The following GABRB1 variants were observed in gnomAD, a reference collection of about 807,000 sequenced individuals.
The protein encoded by GABRB1 is gamma-aminobutyric acid receptor subunit beta-1.
Under a neutral mutation model 51.6 loss-of-function variants are expected in GABRB1, and 17 were observed. The observed-to-expected ratio is 0.33, with a 90% CI of 0.23 to 0.49. The LOEUF is 0.49. GABRB1 is among the 20% of genes least tolerant of loss of function. The probability of loss-of-function intolerance (pLI) is 0.99; values close to 1 mark genes in which losing one functional copy is unlikely to be tolerated. For missense variants in GABRB1, 410 were observed against 600.6 expected (o/e 0.68, Z 3.32); for synonymous variants, 247 against 218.9 (o/e 1.13, Z -1.14).
At chr4:47,117,292 A>T (rs1715537426) in intron 3 of GABRB1, among the ~76,000 whole-genome samples, 1 of 152,206 alleles carries the variant, frequency 6.6e-6, no homozygotes, top group African/African-American at 2.4e-5. Context: ...ATATAAAAAT[A>T]TTTAAAATCC....
At chr4:47,317,346 T>C (rs1724929264) in intron 4 of GABRB1, among the ~76,000 whole-genome samples, 1 of 151,970 alleles carries the variant, frequency 6.6e-6, no homozygotes, top group African/African-American at 2.4e-5. Context: ...TTTTAATTCA[T>C]AAGAAGCTGT....
rs574856442 is a variant in GABRB1, at chr4:47,065,345, T to A, written c.240+32861T>A. 2.8e-3 allele frequency among the ~76,000 whole-genome samples: 420 copies of A among 152,344 alleles called. 1 individual carries two copies. Among genetic ancestry groups the A allele is most frequent in the Non-Finnish European group, 4.8e-3 (325 of 68,022 alleles). On this transcript the variant is annotated intron_variant, in intron 3 of 8. Transcript: ENST00000295454. ...GCATTGTCTATTTCATGCAGACATG[T>A]GATATTTTTCCCCTTTAGCAAAAGT...
At chr4:47,057,026 A>G (rs1192995159) in intron 3 of GABRB1, among the ~76,000 whole-genome samples, 3 of 152,090 alleles carry the variant, frequency 2.0e-5, no homozygotes, top group Non-Finnish European at 4.4e-5. Flanking sequence ...GAATCGCCTG[A>G]CCCTGGGAGA....
At chr4:47,107,990 C>T (rs1051588794) in intron 3 of GABRB1, among the ~76,000 whole-genome samples, 1 of 151,988 alleles carries the variant, frequency 6.6e-6, no homozygotes, top group African/African-American at 2.4e-5. Context: ...GTTGTTATTT[C>T]CCATTATTAG....
chr4:47,327,581 A>G (rs1560335240), intron 5 of GABRB1, among the ~76,000 whole-genome samples: 1 of 152,188 alleles, frequency 6.6e-6, no homozygotes, highest in Non-Finnish European at 1.5e-5. Flanking sequence ...ACTTAGTGAC[A>G]CCTGGTTACT....
intron 5 of GABRB1, among the ~76,000 whole-genome samples, chr4:47,358,222 A>G (rs896452151): frequency 1.3e-5 from 2 of 152,132 alleles, no homozygotes; most frequent in Non-Finnish European, 2.9e-5. Flanking sequence ...TTTAGGATGT[A>G]AATGTCTATA....
chr4:47,262,740 C>T (rs1722490062), intron 4 of GABRB1, among the ~76,000 whole-genome samples: 2 of 152,252 alleles, frequency 1.3e-5, no homozygotes, highest in African/African-American at 2.4e-5. Context: ...AAGACACATG[C>T]ACACATATGT....
At chr4:47,303,138 C>G (rs1724323602) in intron 4 of GABRB1, among the ~76,000 whole-genome samples, 1 of 151,812 alleles carries the variant, frequency 6.6e-6, no homozygotes, top group African/African-American at 2.4e-5. Context: ...GTTACTAAAA[C>G]TTTATTTTAA....
chr4:47,286,129 A>G (rs538600890), intron 4 of GABRB1, among the ~76,000 whole-genome samples: 1 of 152,288 alleles, frequency 6.6e-6, no homozygotes, highest in East Asian at 1.9e-4. Flanking sequence ...TGGATATACC[A>G]GTAGGAGCTG....
intron 5 of GABRB1, among the ~76,000 whole-genome samples, chr4:47,330,651 T>A (rs1478953526): frequency 6.6e-6 from 1 of 152,160 alleles, no homozygotes; most frequent in African/African-American, 2.4e-5. Flanking sequence ...CATTCCTCAT[T>A]GAGAGGCCAG....
intron 3 of GABRB1, among the ~76,000 whole-genome samples, chr4:47,064,051 C>T (rs1726952861): frequency 6.6e-6 from 1 of 152,096 alleles, no homozygotes; most frequent in South Asian, 2.1e-4. Context: ...GAACTTAAAA[C>T]TAAAATTAAA....
At chr4:47,237,834 CAGG>C (rs1430573782) in intron 4 of GABRB1, among the ~76,000 whole-genome samples, 4 of 151,872 alleles carry the variant, frequency 2.6e-5, no homozygotes, top group Non-Finnish European at 5.9e-5. Flanking sequence ...CTCAAAAAAA[CAGG>C]AGAAGAAGAT....
At chr4:47,192,874 T>A (rs1337498637) in intron 4 of GABRB1, among the ~76,000 whole-genome samples, 2 of 152,216 alleles carry the variant, frequency 1.3e-5, no homozygotes, top group African/African-American at 4.8e-5. Flanking sequence ...TTAATCTTCA[T>A]AACAATAATA....
intron 4 of GABRB1, among the ~76,000 whole-genome samples, chr4:47,285,037 C>A (rs559292189): frequency 1.3e-5 from 2 of 152,230 alleles, no homozygotes; most frequent in Middle Eastern, 3.4e-3. Flanking sequence ...AGAATGTCTT[C>A]TTATAGTTTG....
chr4:47,116,284 C>A (rs545844732), intron 3 of GABRB1, among the ~76,000 whole-genome samples: 8 of 152,200 alleles, frequency 5.3e-5, no homozygotes, highest in Admixed American at 1.3e-4. Flanking sequence ...AGGTTCATTC[C>A]TAGCCTAAGA....
intron 3 of GABRB1, among the ~76,000 whole-genome samples, chr4:47,070,082 C>T (rs970734927): frequency 6.6e-6 from 1 of 151,808 alleles, no homozygotes; most frequent in South Asian, 2.1e-4. Context: ...GTCACCCAGG[C>T]TAGAGTGCAG....
chr4:47,296,513 G>A (rs1020519094), intron 4 of GABRB1, among the ~76,000 whole-genome samples: 13 of 152,082 alleles, frequency 8.5e-5, no homozygotes, highest in South Asian at 2.1e-4. Flanking sequence ...AGACAAAGAA[G>A]GCCATTACAT....
chr4:47,378,098 C>G (rs928991387), intron 5 of GABRB1, among the ~76,000 whole-genome samples: 1 of 152,146 alleles, frequency 6.6e-6, no homozygotes, highest in Non-Finnish European at 1.5e-5. Flanking sequence ...CAGGGGGTGG[C>G]GCTTGTCAGG....
intron 3 of GABRB1, among the ~76,000 whole-genome samples, chr4:47,106,758 T>C (rs1714989407): frequency 6.6e-6 from 1 of 152,100 alleles, no homozygotes; most frequent in Admixed American, 6.6e-5. Flanking sequence ...GGTTGCTTAA[T>C]GTTTAGTCAT....
Sources: gnomAD v4.1 joint callset for allele counts (sites outside exome capture counted in the v4.1 genomes callset) on GRCh38, gnomAD v4.1.1 for gene constraint, MANE v1.5 for transcripts, NCBI Gene and HGNC (gene_info 2026-07-23, HGNC 2026-07-21) for gene names.